Variants in TENM3 observed in about 807,000 individuals in gnomAD.
TENM3 encodes the protein teneurin-3.
A neutral mutation model predicts 255.1 loss-of-function variants in TENM3; 63 were observed. That is an observed-to-expected ratio of 0.25 (90% CI 0.20 to 0.30). The LOEUF (loss-of-function observed/expected upper bound fraction) is 0.30, where lower values mean the gene tolerates loss of function less well. Ranked by LOEUF, TENM3 falls within the 10% of genes least tolerant of loss-of-function variation. TENM3 has a pLI of 1.00. For missense variants in TENM3, 2,929 were observed against 3,461.1 expected (o/e 0.85, Z 3.86); for synonymous variants, 1,306 against 1,322.3 (o/e 0.99, Z 0.27).
intron 3 of TENM3, among the ~76,000 whole-genome samples, chr4:182,386,971 C>T (rs555439503): frequency 3.3e-5 from 5 of 152,380 alleles, no homozygotes; most frequent in Admixed American, 2.6e-4. Flanking sequence ...GCTCCACCTG[C>T]AGCCCCTGTG....
chr4:182,487,269 G>A (rs571323984), intron 3 of TENM3, among the ~76,000 whole-genome samples: 9 of 152,224 alleles, frequency 5.9e-5, no homozygotes, highest in South Asian at 2.1e-4. Flanking sequence ...TGGAAAGCCC[G>A]GGATGAAGTG....
chr4:181,883,275 T>C, the TENM3 span, among the ~76,000 whole-genome samples: 7 of 152,182 alleles, frequency 4.6e-5, no homozygotes, highest in East Asian at 1.4e-3. Context: ...AGAACCTGTG[T>C]GGGTGCACAC....
chr4:181,887,897 C>T, the TENM3 span, among the ~76,000 whole-genome samples: 1 of 152,178 alleles, frequency 6.6e-6, no homozygotes, highest in Admixed American at 6.5e-5. Context: ...TTGGCTATTT[C>T]ATTCCTGCAA....
the TENM3 span, among the ~76,000 whole-genome samples, chr4:181,520,436 C>T: frequency 6.6e-5 from 10 of 151,886 alleles, no homozygotes; most frequent in East Asian, 3.9e-4. Flanking sequence ...TGTGTGTGTG[C>T]GTGCATGTGT....
the TENM3 span, among the ~76,000 whole-genome samples, chr4:181,843,402 G>T: frequency 2.0e-5 from 3 of 152,134 alleles, no homozygotes; most frequent in Admixed American, 1.3e-4. Context: ...TGGGGTCCAA[G>T]GTAGCCCCTG....
intron 4 of TENM3, among the ~76,000 whole-genome samples, chr4:182,604,581 G>A (rs1748235257): frequency 6.6e-6 from 1 of 152,280 alleles, no homozygotes; most frequent in African/African-American, 2.4e-5. Flanking sequence ...AGCACTTAAA[G>A]GTATGGTACA....
chr4:182,082,687 C>T, the TENM3 span, among the ~76,000 whole-genome samples: 1 of 152,110 alleles, frequency 6.6e-6, no homozygotes, highest in Non-Finnish European at 1.5e-5. Context: ...TAAATGCTGA[C>T]AGTGATAACC....
intron 3 of TENM3, among the ~76,000 whole-genome samples, chr4:182,575,273 C>T (rs945362694): frequency 1.3e-5 from 2 of 152,032 alleles, no homozygotes; most frequent in African/African-American, 2.4e-5. Context: ...AAACTTCATG[C>T]GAGTTTACAA....
At chr4:181,784,364 A>G in the TENM3 span, among the ~76,000 whole-genome samples, 1 of 152,106 alleles carries the variant, frequency 6.6e-6, no homozygotes, top group African/African-American at 2.4e-5. Context: ...TATTAATAAA[A>G]TATCTTAATT....
intron 3 of TENM3, among the ~76,000 whole-genome samples, chr4:182,414,320 C>A (rs1042321619): frequency 6.6e-6 from 1 of 152,086 alleles, no homozygotes. Flanking sequence ...CTCTGTGGAT[C>A]TGTCAAAATT....
the TENM3 span, among the ~76,000 whole-genome samples, chr4:181,802,876 A>G: frequency 6.6e-6 from 1 of 152,196 alleles, no homozygotes; most frequent in Admixed American, 6.5e-5. Context: ...CTAATATCAA[A>G]TAAATTACTT....
At chr4:182,544,519 CAG>C (rs1475984440) in intron 3 of TENM3, among the ~76,000 whole-genome samples, 1 of 151,736 alleles carries the variant, frequency 6.6e-6, no homozygotes, top group African/African-American at 2.4e-5. Flanking sequence ...TTAGTAGAGA[CAG>C]AGTTTCACCA....
chr4:182,000,894 A>C, the TENM3 span, among the ~76,000 whole-genome samples: 2 of 152,140 alleles, frequency 1.3e-5, no homozygotes, highest in African/African-American at 2.4e-5. Flanking sequence ...TTATATAATA[A>C]GAAAGTCTAA....
chr4:182,681,154 A>G (rs1286452897), intron 10 of TENM3, among the ~76,000 whole-genome samples: 2 of 152,208 alleles, frequency 1.3e-5, no homozygotes, highest in Non-Finnish European at 2.9e-5. Context: ...TGTGTTCCAT[A>G]GCTGTATACG....
At chr4:181,907,086 A>G in the TENM3 span, among the ~76,000 whole-genome samples, 2 of 152,076 alleles carry the variant, frequency 1.3e-5, no homozygotes, top group Non-Finnish European at 2.9e-5. Flanking sequence ...GGGTTTCACC[A>G]TGTTGGCCAG....
At chr4:181,718,751 G>C in the TENM3 span, among the ~76,000 whole-genome samples, 5 of 152,136 alleles carry the variant, frequency 3.3e-5, no homozygotes, top group East Asian at 5.8e-4. Context: ...AATGTGTCCA[G>C]CTGGCCCTCT....
At chr4:181,813,755 C>T in the TENM3 span, among the ~76,000 whole-genome samples, 2 of 151,982 alleles carry the variant, frequency 1.3e-5, no homozygotes, top group Non-Finnish European at 2.9e-5. Flanking sequence ...GAAGAAAATT[C>T]GGGGGAAAAG....
the TENM3 span, among the ~76,000 whole-genome samples, chr4:181,632,386 G>C: frequency 6.6e-6 from 1 of 152,138 alleles, no homozygotes; most frequent in African/African-American, 2.4e-5. Context: ...TGAAATGTGG[G>C]TGGGGACACA....
At chr4:182,684,782 G>T (rs1176612947) in intron 11 of TENM3, among the ~76,000 whole-genome samples, 3 of 152,162 alleles carry the variant, frequency 2.0e-5, no homozygotes, top group African/African-American at 7.2e-5. Flanking sequence ...GATTGGACAT[G>T]GTTCCCTAAA....
Sources: allele counts gnomAD v4.1 joint callset (sites outside exome capture counted in the v4.1 genomes callset), GRCh38; gene constraint gnomAD v4.1.1; transcripts MANE v1.5; gene names NCBI Gene and HGNC (gene_info 2026-07-23, HGNC 2026-07-21).